The following CLPB variants were observed in gnomAD, a reference collection of about 807,000 sequenced individuals.
The protein encoded by CLPB is ClpB family mitochondrial disaggregase, also known as mitochondrial disaggregase.
In CLPB, 40 loss-of-function variants were observed where a neutral mutation model predicts 78.4. The ratio of observed to expected loss-of-function variants is 0.51; its 90% CI spans 0.40 to 0.66. The LOEUF (loss-of-function observed/expected upper bound fraction) is 0.66, where lower values mean the gene tolerates loss of function less well. CLPB is among the 30% of genes least tolerant of loss of function. The pLI is 0.00. For missense variants in CLPB, 780 were observed against 886.9 expected (o/e 0.88, Z 1.53); for synonymous variants, 333 against 348.0 (o/e 0.96, Z 0.48).
intron 14 of CLPB, 58 bp from the exon 15 acceptor site, chr11:72,294,184 C>A: frequency 6.2e-7 from 1 of 1,607,174 alleles, no homozygotes; most frequent in Non-Finnish European, 8.5e-7. Context: ...CCATCTCTTG[C>A]CACTCTGGCC....
chr11:72,357,712 A>G (rs1950746796), intron 5 of CLPB, among the ~76,000 whole-genome samples: 1 of 151,414 alleles, frequency 6.6e-6, no homozygotes. Flanking sequence ...AAAAAAAAAA[A>G]AAAAAAAAAA....
At chr11:72,388,223 T>C (rs955160028) in intron 3 of CLPB, among the ~76,000 whole-genome samples, 1 of 150,774 alleles carries the variant, frequency 6.6e-6, no homozygotes, top group Non-Finnish European at 1.5e-5. Context: ...TGACTCATCC[T>C]GAAACCTCAG....
At chr11:72,338,304 G>A (rs895999444) in intron 5 of CLPB, among the ~76,000 whole-genome samples, 1 of 152,174 alleles carries the variant, frequency 6.6e-6, no homozygotes, top group African/African-American at 2.4e-5. Context: ...CTGGAGAAGA[G>A]CAGAAGATAC....
chr11:72,359,057 C>A (rs2135614474), intron 4 of CLPB, 49 bp from the exon 5 acceptor site: 1 of 1,609,694 alleles, frequency 6.2e-7, no homozygotes, highest in Non-Finnish European at 8.5e-7. Context: ...ACAGCATGAG[C>A]CACCAATCTC....
chr11:72,294,532 T>G, intron 13 of CLPB, 88 bp from the exon 14 acceptor site: 1 of 1,610,082 alleles, frequency 6.2e-7, no homozygotes, highest in African/African-American at 1.3e-5. Flanking sequence ...ACTGGGGAAA[T>G]TATGGGGCTT....
chr11:72,359,235 C>A (rs1329021765), intron 4 of CLPB: 3 of 686,676 alleles, frequency 4.4e-6, no homozygotes, highest in Non-Finnish European at 7.9e-6. Flanking sequence ...AGGATTCATC[C>A]TGGGGACATG....
At chr11:72,408,314 G>A (rs899703116) in intron 2 of CLPB, 16 of 802,294 alleles carry the variant, frequency 2.0e-5, no homozygotes, top group Admixed American at 9.4e-5. Context: ...TCCCTCTTGT[G>A]CAAGGTGGTC....
chr11:72,333,911 C>T (rs1426784265), intron 5 of CLPB, among the ~76,000 whole-genome samples: 1 of 152,072 alleles, frequency 6.6e-6, no homozygotes, highest in Non-Finnish European at 1.5e-5. Flanking sequence ...AAAGGTCTGT[C>T]CTTTCTTAGC....
At chr11:72,421,686 T>G (rs1335811440) in intron 2 of CLPB, among the ~76,000 whole-genome samples, 2 of 152,192 alleles carry the variant, frequency 1.3e-5, no homozygotes, top group Admixed American at 1.3e-4. Flanking sequence ...TGTTCTCTGC[T>G]CATGGCCAAC....
chr11:72,382,675 TG>T (rs1854952644), intron 3 of CLPB, among the ~76,000 whole-genome samples: 1 of 152,168 alleles, frequency 6.6e-6, no homozygotes, highest in South Asian at 2.1e-4. Flanking sequence ...CCACACAAGA[TG>T]GCCTGCCCAG....
chr11:72,290,310 T>C lies in CLPB; in HGVS notation c.*3057A>G, dbSNP rs1015880157. ...AACCAAATAAACTGTTAGCATTAGA[T>C]TGTAGCCTGTAGAATAAAACAGATA... is the stretch of plus-strand genomic sequence containing the variant. On this transcript the variant is annotated 3_prime_UTR_variant, in exon 16 of 16. Transcript: ENST00000538039. The C allele has an allele frequency of 6.6e-6, 1 of 152,190 alleles. No individual in the cohort carries two copies. Among genetic ancestry groups the C allele is most frequent in the African/African-American group, 2.4e-5 (1 of 41,440 alleles). The allele number at this position is 152,190 out of a possible 1,614,324, so 9.4% of individuals were successfully genotyped here.
intron 4 of CLPB, among the ~76,000 whole-genome samples, chr11:72,379,705 A>C (rs1008992231): frequency 6.6e-6 from 1 of 152,210 alleles, no homozygotes; most frequent in Non-Finnish European, 1.5e-5. Context: ...AACACAGAGA[A>C]GGTCCACTGT....
intron 6 of CLPB, among the ~76,000 whole-genome samples, chr11:72,328,773 G>T (rs918970915): frequency 7.9e-5 from 12 of 152,176 alleles, no homozygotes; most frequent in African/African-American, 2.9e-4. Context: ...GTTCAGTTTT[G>T]ATGCTAACTC....
chr11:72,355,690 C>T (rs1406986126), intron 5 of CLPB, among the ~76,000 whole-genome samples: 2 of 152,182 alleles, frequency 1.3e-5, no homozygotes, highest in African/African-American at 4.8e-5. Flanking sequence ...TTCTATTACT[C>T]CATGCCACCT....
chr11:72,317,310 C>G (rs1252849753), intron 6 of CLPB, 90 bp from the exon 7 acceptor site: 1 of 969,934 alleles, frequency 1.0e-6, no homozygotes, highest in Non-Finnish European at 1.5e-6. Context: ...AAACACAGGT[C>G]TGGGTATCCA....
At chr11:72,378,946 G>C (rs1854809864) in intron 4 of CLPB, among the ~76,000 whole-genome samples, 1 of 152,210 alleles carries the variant, frequency 6.6e-6, no homozygotes, top group South Asian at 2.1e-4. Flanking sequence ...CAAGGACAGG[G>C]AAGCCTTTGT....
intron 9 of CLPB, among the ~76,000 whole-genome samples, chr11:72,305,201 T>G (rs78835590): frequency 0.018 from 2,717 of 152,086 alleles, 78 homozygotes; most frequent in African/African-American, 0.063. Context: ...CAGTGAGGAG[T>G]TGAGAGACTG....
At chr11:72,391,419 C>T (rs1395323414) in intron 3 of CLPB, among the ~76,000 whole-genome samples, 2 of 152,174 alleles carry the variant, frequency 1.3e-5, no homozygotes, top group South Asian at 2.1e-4. Flanking sequence ...ATCATGATGG[C>T]CTGCTTACTT....
intron 2 of CLPB, among the ~76,000 whole-genome samples, chr11:72,416,606 C>G (rs368170802): frequency 6.6e-6 from 1 of 151,750 alleles, no homozygotes; most frequent in South Asian, 2.1e-4. Context: ...CATGGTGGCA[C>G]GTGCCTGTAA....
Sources: gnomAD v4.1 joint callset for allele counts (sites outside exome capture counted in the v4.1 genomes callset) on GRCh38, gnomAD v4.1.1 for gene constraint, MANE v1.5 for transcripts, NCBI Gene and HGNC (gene_info 2026-07-23, HGNC 2026-07-21) for gene names.